The following ZSCAN25 variants were observed in gnomAD, a reference collection of about 807,000 sequenced individuals.
ZSCAN25 encodes the protein zinc finger and SCAN domain-containing protein 25.
In ZSCAN25, 27 loss-of-function variants were observed where a neutral mutation model predicts 38.7. The ratio of observed to expected loss-of-function variants is 0.70; its 90% confidence interval spans 0.51 to 0.96. The LOEUF (loss-of-function observed/expected upper bound fraction) is 0.96, where lower values mean the gene tolerates loss of function less well. Among genes scored for constraint, ZSCAN25 ranks in the 40% least tolerant of loss-of-function variants. The pLI is 0.00. For missense variants in ZSCAN25, 637 were observed against 705.9 expected (o/e 0.90, Z 1.11); for synonymous variants, 273 against 277.7 (o/e 0.98, Z 0.17).
rs1289976831 is a variant in ZSCAN25, at chr7:99,630,537, G to T, written c.*517G>T. The T allele has an allele frequency of 1.0e-6, 1 of 989,582 alleles. No individual in the cohort carries two copies. Among genetic ancestry groups the T allele is most frequent in the Non-Finnish European group, 1.2e-6 (1 of 832,810 alleles). The allele number at this position is 989,582 out of a possible 1,614,324, so 61.3% of individuals were successfully genotyped here. On this transcript the variant is annotated 3_prime_UTR_variant, in exon 8 of 8. Transcript: ENST00000394152. The stretch of plus-strand genomic sequence containing the variant: ...GATGCCTCTGGGGGTTGTGCGTTGG[G>T]GATGCATGCGACAGCCCATGACCCG...
chr7:99,662,308 T>C, the ZSCAN25 span, among the ~76,000 whole-genome samples: 1 of 152,200 alleles, frequency 6.6e-6, no homozygotes, highest in Admixed American at 6.5e-5. This position sits in a 1 kb window ranked among gnomAD's most constrained non-coding sequence, Gnocchi z 4.3. Flanking sequence ...AACTAGTAGA[T>C]ACAAGACTGA....
the ZSCAN25 span, among the ~76,000 whole-genome samples, chr7:99,687,597 G>A: frequency 5.9e-5 from 9 of 152,312 alleles, no homozygotes; most frequent in Admixed American, 4.6e-4. Context: ...AAAACACTCT[G>A]CAGGATATTA....
the ZSCAN25 span, among the ~76,000 whole-genome samples, chr7:99,667,680 C>G: frequency 6.6e-6 from 1 of 152,126 alleles, no homozygotes; most frequent in Non-Finnish European, 1.5e-5. Context: ...ACTATCAAGC[C>G]AGCATGCTTG....
the ZSCAN25 span, chr7:99,676,642 G>T: frequency 1.0e-6 from 1 of 956,564 alleles, no homozygotes; most frequent in African/African-American, 1.7e-5. Flanking sequence ...ATCACTGTAT[G>T]CACTCAATCA....
At chr7:99,640,776 A>G in the ZSCAN25 span, among the ~76,000 whole-genome samples, 1 of 152,236 alleles carries the variant, frequency 6.6e-6, no homozygotes, top group South Asian at 2.1e-4. Context: ...TTGGCTATGA[A>G]GCCGGGAAAA....
At chr7:99,656,663 G>T in the ZSCAN25 span, among the ~76,000 whole-genome samples, 2 of 152,052 alleles carry the variant, frequency 1.3e-5, no homozygotes, top group Non-Finnish European at 2.9e-5. Flanking sequence ...ATGGTACCAG[G>T]TCCTCCTTGT....
At chr7:99,632,992 T>TTTTTTTTTTTTTTTTTTTG (rs1808114668), downstream of ZSCAN25, among the ~76,000 whole-genome samples, 3 of 145,138 alleles carry the variant, frequency 2.1e-5, no homozygotes, top group South Asian at 2.2e-4. Flanking sequence ...TTCTGTTGTT[T>TTTTTTTTTTTTTTTTTTTG]TTTTTTTTTT....
the ZSCAN25 span, among the ~76,000 whole-genome samples, chr7:99,724,762 A>C: frequency 5.9e-5 from 9 of 152,228 alleles, no homozygotes; most frequent in South Asian, 1.9e-3. Context: ...GTCAAGGTAC[A>C]TGTGCCTTTT....
At chr7:99,650,135 T>C in the ZSCAN25 span, 1 of 1,614,176 alleles carries the variant, frequency 6.2e-7, no homozygotes, top group Non-Finnish European at 8.5e-7. Flanking sequence ...GCAAGTTTCA[T>C]GTTCATGAGA....
chr7:99,623,851 C>T (rs925065039), intron 6 of ZSCAN25, among the ~76,000 whole-genome samples: 1 of 152,186 alleles, frequency 6.6e-6, no homozygotes, highest in Non-Finnish European at 1.5e-5. Context: ...GAGGCTGCTG[C>T]AGAGTGGAAA....
At chr7:99,708,918 T>C in the ZSCAN25 span, 2 of 1,243,036 alleles carry the variant, frequency 1.6e-6, no homozygotes, top group Non-Finnish European at 1.2e-6. Flanking sequence ...TGAAAAAACC[T>C]TTTAAACATA....
chr7:99,679,176 A>G, the ZSCAN25 span, among the ~76,000 whole-genome samples: 3 of 152,322 alleles, frequency 2.0e-5, no homozygotes, highest in Middle Eastern at 3.4e-3. Flanking sequence ...TCATTGCAAG[A>G]TAAACCATCC....
At chr7:99,716,513 C>G in the ZSCAN25 span, among the ~76,000 whole-genome samples, 2 of 152,018 alleles carry the variant, frequency 1.3e-5, no homozygotes, top group African/African-American at 4.8e-5. Flanking sequence ...CAAATGATGT[C>G]CTGGTTAAAA....
At chr7:99,665,446 T>A in the ZSCAN25 span, 1 of 1,289,592 alleles carries the variant, frequency 7.8e-7, no homozygotes, top group Non-Finnish European at 1.1e-6. Context: ...ATCTGCTGAA[T>A]CATCTTCCAT....
At chr7:99,666,507 C>T in the ZSCAN25 span, 1 of 1,347,922 alleles carries the variant, frequency 7.4e-7, no homozygotes, top group South Asian at 1.2e-5. Context: ...TGTCTGGTCA[C>T]TGGAGTAACC....
chr7:99,677,093 T>C, the ZSCAN25 span: 1 of 789,240 alleles, frequency 1.3e-6, no homozygotes, highest in Non-Finnish European at 1.5e-6. Context: ...GTGAAGTATC[T>C]CTGAGGAAAA....
rs879071248 is a variant in ZSCAN25 at position 99,630,339 on chromosome 7, C to A, written c.*319C>A. ...ACAAAGCTGGGAGTAAAGGCAAAAC[C>A]TTGACACGTGTTGGTAGCTGGGACC... On this transcript the variant is annotated 3_prime_UTR_variant, in exon 8 of 8. Transcript: ENST00000394152. 6 of 1,129,804 alleles carry A rather than the reference C, an allele frequency of 5.3e-6. No homozygotes were observed. The South Asian group carries it at 1.8e-4, about 34-fold the overall frequency. The allele number at this position is 1,129,804 out of a possible 1,614,324, so 70.0% of individuals were successfully genotyped here.
the ZSCAN25 span, chr7:99,707,797 A>G: frequency 1.2e-6 from 2 of 1,613,730 alleles, no homozygotes; most frequent in Non-Finnish European, 1.7e-6. Flanking sequence ...TTATTAATGC[A>G]GAAAATTGAC....
chr7:99,641,914 T>A, the ZSCAN25 span, among the ~76,000 whole-genome samples: 29 of 152,356 alleles, frequency 1.9e-4, no homozygotes, highest in African/African-American at 6.7e-4. Context: ...AAGAACCAGA[T>A]AATCTTTTAA....
Sources: gnomAD v4.1 joint callset for allele counts (sites outside exome capture counted in the v4.1 genomes callset) on GRCh38, gnomAD v4.1.1 for gene constraint, Gnocchi (gnomAD v3.1) non-coding constraint, MANE v1.5 for transcripts, NCBI Gene and HGNC (gene_info 2026-07-23, HGNC 2026-07-21) for gene names.